NBAS: variants seen among roughly 807,000 people sequenced by gnomAD.
NBAS encodes NBAS subunit of NRZ tethering complex, also known as NAG/BC035112 fusion.
A neutral mutation model predicts 302.5 loss-of-function variants in NBAS; 219 were observed. The observed-to-expected ratio is 0.72, with a 90% CI of 0.65 to 0.81. NBAS has a LOEUF of 0.81. Among genes scored for constraint, NBAS ranks in the 30% least tolerant of loss-of-function variants. NBAS has a pLI of 0.00. For synonymous variants in NBAS, 1,118 were observed against 1,021.6 expected (o/e 1.09, Z -1.80); for missense variants, 2,932 against 2,841.6 (o/e 1.03, Z -0.72).
Position 15,409,231 on chromosome 2 carries a change from C to T in NBAS, c.2937+6315G>A, listed in dbSNP as rs146641419. On this transcript the variant is annotated intron_variant, in intron 25 of 51. Coordinates refer to ENST00000281513, the MANE Select transcript of NBAS (RefSeq NM_015909.4). ...CCATTTTTAAGATTCTCTCTGTGCC[C>T]GTGGTATCCTTAAGTTCCATTAGAG... 2.8e-4 allele frequency among the ~76,000 whole-genome samples: 42 copies of T among 152,244 alleles called. No individual in the cohort carries two copies. The East Asian group carries it at 8.1e-3, about 29-fold the overall frequency.
intron 23 of NBAS, among the ~76,000 whole-genome samples, chr2:15,420,688 A>T (rs1260722529): frequency 9.2e-5 from 14 of 152,194 alleles, no homozygotes; most frequent in Admixed American, 2.6e-4. Flanking sequence ...CCAAAAGAGG[A>T]GAGCCCTCTT....
the NBAS span, among the ~76,000 whole-genome samples, chr2:14,909,900 T>C: frequency 6.6e-6 from 1 of 152,186 alleles, no homozygotes. Context: ...TAGGAAGCAC[T>C]AAAGGGTTAA....
chr2:14,938,132 T>TA, the NBAS span, among the ~76,000 whole-genome samples: 1 of 151,296 alleles, frequency 6.6e-6, no homozygotes, highest in East Asian at 1.9e-4. Context: ...TCTCAAAAAA[T>TA]AAAAAAAATT....
At chr2:15,534,169 A>AGAAGG (rs1663367254) in intron 9 of NBAS, among the ~76,000 whole-genome samples, 1 of 152,186 alleles carries the variant, frequency 6.6e-6, no homozygotes, top group Non-Finnish European at 1.5e-5. Flanking sequence ...AAGGAAAGAA[A>AGAAGG]GAAGGGAAGT....
chr2:15,037,132 G>T, the NBAS span, among the ~76,000 whole-genome samples: 2 of 152,104 alleles, frequency 1.3e-5, no homozygotes, highest in African/African-American at 4.8e-5. Context: ...GCAGAACTTC[G>T]TACTTTGTCT....
the NBAS span, among the ~76,000 whole-genome samples, chr2:14,891,777 G>T: frequency 2.0e-5 from 3 of 152,190 alleles, no homozygotes; most frequent in African/African-American, 4.8e-5. Flanking sequence ...CTCATGGAAG[G>T]CCTGGGACAC....
the NBAS span, among the ~76,000 whole-genome samples, chr2:14,828,851 G>A: frequency 6.6e-6 from 1 of 152,176 alleles, no homozygotes; most frequent in Non-Finnish European, 1.5e-5. Flanking sequence ...AGGTGTTGGG[G>A]TTGAAATTAT....
intron 38 of NBAS, among the ~76,000 whole-genome samples, chr2:15,316,516 G>A (rs921622124): frequency 7.2e-5 from 11 of 152,182 alleles, no homozygotes; most frequent in Admixed American, 1.3e-4. Context: ...GGACACTCCC[G>A]CCCAAAATAC....
chr2:15,290,165 GA>G (rs1170402775), intron 41 of NBAS, among the ~76,000 whole-genome samples: 1 of 151,846 alleles, frequency 6.6e-6, no homozygotes, highest in African/African-American at 2.4e-5. Flanking sequence ...CAGTGAGAAA[GA>G]CAAGGAAGAA....
At chr2:15,277,498 A>G (rs1669639216) in intron 42 of NBAS, among the ~76,000 whole-genome samples, 1 of 152,206 alleles carries the variant, frequency 6.6e-6, no homozygotes, top group Non-Finnish European at 1.5e-5. Context: ...AGAAACATAA[A>G]CAGCCTTATT....
At chr2:14,987,154 CACATGT>C in the NBAS span, among the ~76,000 whole-genome samples, 1 of 151,814 alleles carries the variant, frequency 6.6e-6, no homozygotes, top group Non-Finnish European at 1.5e-5. Flanking sequence ...TTTAATAGAG[CACATGT>C]ACTTTAAATT....
At chr2:15,552,950 G>A (rs1052205026) in intron 5 of NBAS, among the ~76,000 whole-genome samples, 17 of 152,172 alleles carry the variant, frequency 1.1e-4, no homozygotes, top group Admixed American at 9.2e-4. Context: ...GATTACAGGT[G>A]TGCGCCACCA....
chr2:14,847,003 C>G, the NBAS span, among the ~76,000 whole-genome samples: 32,258 of 152,024 alleles, frequency 0.21, 5,562 homozygotes, highest in African/African-American at 0.47. Flanking sequence ...CCAACCTCTC[C>G]AATCAAAAGA....
At chr2:15,376,754 A>C (rs1202816108) in intron 30 of NBAS, among the ~76,000 whole-genome samples, 1 of 152,168 alleles carries the variant, frequency 6.6e-6, no homozygotes, top group African/African-American at 2.4e-5. Flanking sequence ...CTAATTAATA[A>C]ATAATACTTT....
intron 29 of NBAS, among the ~76,000 whole-genome samples, chr2:15,380,858 C>T (rs1675000441): frequency 6.6e-6 from 1 of 152,074 alleles, no homozygotes; most frequent in Non-Finnish European, 1.5e-5. Flanking sequence ...GAAGACCATC[C>T]AATCTTCATA....
intron 48 of NBAS, among the ~76,000 whole-genome samples, chr2:15,208,287 G>A (rs958275503): frequency 1.3e-5 from 2 of 152,176 alleles, no homozygotes; most frequent in African/African-American, 4.8e-5. Context: ...CAGATCTTAT[G>A]AGATTTATTC....
At chr2:14,821,372 G>A in the NBAS span, among the ~76,000 whole-genome samples, 4 of 152,178 alleles carry the variant, frequency 2.6e-5, no homozygotes, top group Admixed American at 2.0e-4. Context: ...AGTCTGTTAT[G>A]TGACGCTGAT....
chr2:15,314,953 C>A (rs929536638), intron 38 of NBAS, among the ~76,000 whole-genome samples: 1 of 152,104 alleles, frequency 6.6e-6, no homozygotes, highest in African/African-American at 2.4e-5. Flanking sequence ...CTAGAACAAT[C>A]AAAACTAATC....
At chr2:15,418,102 C>T (rs1209101198) in intron 23 of NBAS, among the ~76,000 whole-genome samples, 1 of 152,236 alleles carries the variant, frequency 6.6e-6, no homozygotes, top group African/African-American at 2.4e-5. Flanking sequence ...TATTACCACT[C>T]TGCTTCCAAA....
Sources: gnomAD v4.1 joint callset for allele counts (sites outside exome capture counted in the v4.1 genomes callset) on GRCh38, gnomAD v4.1.1 for gene constraint, MANE v1.5 for transcripts, NCBI Gene and HGNC (gene_info 2026-07-23, HGNC 2026-07-21) for gene names.